TEX264: variants seen among roughly 807,000 people sequenced by gnomAD.
TEX264 encodes the protein testis expressed 264, ER-phagy receptor, also known as testis-expressed protein 264.
TEX264 carries 13 observed loss-of-function variants against 23.4 expected under a neutral mutation model. The ratio of observed to expected loss-of-function variants is 0.56; its 90% CI spans 0.36 to 0.88. TEX264 has a LOEUF of 0.88. TEX264 is among the 40% of genes least tolerant of loss of function. The pLI is 0.01. For missense variants in TEX264, 340 were observed against 406.8 expected (o/e 0.84, Z 1.41); for synonymous variants, 159 against 170.0 (o/e 0.94, Z 0.50).
chr3:51,701,742 C>T (rs989619761), intron 4 of TEX264, among the ~76,000 whole-genome samples: 11 of 149,660 alleles, frequency 7.3e-5, no homozygotes, highest in African/African-American at 2.6e-5. Flanking sequence ...AGCGATTCTC[C>T]TGCCTCAGCT....
chr3:51,681,552 G>C (rs1206943960), intron 2 of TEX264: 1 of 152,382 alleles, frequency 6.6e-6, no homozygotes, highest in African/African-American at 2.4e-5. Context: ...AGGGACTCTG[G>C]AATAGGGTGA....
chr3:51,679,707 G>A (rs1702356706), intron 2 of TEX264, among the ~76,000 whole-genome samples: 2 of 152,210 alleles, frequency 1.3e-5, no homozygotes, highest in Admixed American at 6.5e-5. Flanking sequence ...TGAGTGCCTG[G>A]TCAGATATCA....
intron 3 of TEX264, among the ~76,000 whole-genome samples, chr3:51,698,552 C>G (rs1703159543): frequency 6.6e-6 from 1 of 152,098 alleles, no homozygotes; most frequent in African/African-American, 2.4e-5. Flanking sequence ...TGTCTGTGCC[C>G]CTCCATACTC....
chr3:51,695,371 C>G (rs928535813), intron 3 of TEX264, among the ~76,000 whole-genome samples: 4 of 152,240 alleles, frequency 2.6e-5, no homozygotes, highest in Admixed American at 6.5e-5. Context: ...TCTAAGCAAA[C>G]CTCCAGCCTC....
At position 51,691,140 on chromosome 3, in the gene TEX264, G is replaced by A. The variant is rs1280572219; in HGVS notation, c.480+6506G>A. ...CTGGGGGAGCCGAGGCAAAGCACAGGAAGAGGCTGTGTACCCGCTTGCCCA... is the reference window on the plus strand; with the variant it reads ...CTGGGGGAGCCGAGGCAAAGCACAGAAAGAGGCTGTGTACCCGCTTGCCCA... On this transcript the variant is annotated intron_variant, in intron 3 of 4. Transcript: ENST00000341333. This position sits in a 1 kb window ranked among gnomAD's most constrained non-coding sequence, Gnocchi z 4.4. Among the ~76,000 whole-genome samples the A allele has an allele frequency of 6.6e-6, 1 of 152,240 alleles. No individual in the cohort carries two copies.
At chr3:51,699,036 G>T (rs1382512143) in intron 3 of TEX264, among the ~76,000 whole-genome samples, 1 of 152,146 alleles carries the variant, frequency 6.6e-6, no homozygotes, top group African/African-American at 2.4e-5. Context: ...GGCACATGGG[G>T]TCCCTATCCT....
At chr3:51,689,985 C>A (rs566771469) in intron 3 of TEX264, among the ~76,000 whole-genome samples, 4 of 152,176 alleles carry the variant, frequency 2.6e-5, no homozygotes, top group Non-Finnish European at 5.9e-5. Context: ...CATTATGGGG[C>A]AGCCAGCTTG....
rs1020132189 is a variant in TEX264 at position 51,674,282 on chromosome 3, T to C, written c.-23T>C. Reference sequence around the variant, plus strand: ...TTTCTCCTTTGCAGCTGCCTTGAGGTGCAGTGTTGGGGATCCAGAGCCATG... The same window carrying C: ...TTTCTCCTTTGCAGCTGCCTTGAGGCGCAGTGTTGGGGATCCAGAGCCATG... On this transcript the variant is annotated 5_prime_UTR_variant, in exon 2 of 5. Coordinates refer to ENST00000341333, the MANE Select transcript of TEX264 (RefSeq NM_015926.6). The C allele has an allele frequency of 1.2e-6, 2 of 1,613,378 alleles. No homozygotes were observed. Among genetic ancestry groups the C allele is most frequent in the African/African-American group, 2.7e-5 (2 of 74,890 alleles).
In TEX264 at chr3:51,691,917, C is replaced by T. The variant is rs147516982; in HGVS notation, c.480+7283C>T. Among the ~76,000 whole-genome samples, 802 of 152,338 alleles carry T rather than the reference C, an allele frequency of 5.3e-3. 6 individuals carry two copies. Among genetic ancestry groups the T allele is most frequent in the Middle Eastern group, 0.034 (10 of 294 alleles). Reference sequence around the variant, plus strand: ...CCACCATACCACGGCTTGGCTTCCCCGGCTCCCCTTAGGGAGCTACCCTTG... The same window carrying T: ...CCACCATACCACGGCTTGGCTTCCCTGGCTCCCCTTAGGGAGCTACCCTTG... On this transcript the variant is annotated intron_variant, in intron 3 of 4. Transcript: ENST00000341333. This position sits in a 1 kb window ranked among gnomAD's most constrained non-coding sequence, Gnocchi z 4.4.
rs868525697 is a variant in TEX264, at chr3:51,686,014, G to T, written c.480+1380G>T. ...AGTGATGCTTTCACTGACATGTGGG[G>T]AACTGAGGGAGGCCCTGGTTTTGGG... On this transcript the variant is annotated intron_variant, in intron 3 of 4. Transcript: ENST00000341333. The surrounding 1 kb of genome is among the most constrained non-coding windows in gnomAD (Gnocchi z 4.1). Among the ~76,000 whole-genome samples, 104 of 152,330 alleles carry T rather than the reference G, an allele frequency of 6.8e-4. 1 individual carries two copies. The highest frequency in any genetic ancestry group is 3.4e-3 in the Middle Eastern group (1 of 294).
chr3:51,689,810 C>T (rs750756686), intron 3 of TEX264, among the ~76,000 whole-genome samples: 3 of 152,174 alleles, frequency 2.0e-5, no homozygotes, highest in Non-Finnish European at 2.9e-5. Flanking sequence ...CTGGGAGGCA[C>T]CAGGGCCCAG....
Position 51,704,276 on chromosome 3 carries a change from G to A in TEX264, c.*260G>A, listed in dbSNP as rs368288538. ...GTCTTTTTTTCAGACTCACAGTGGA[G>A]CTTCCAGGACCCAGAATAAAGCCAA... On this transcript the variant is annotated 3_prime_UTR_variant, in exon 5 of 5. Coordinates refer to ENST00000341333, the MANE Select transcript of TEX264 (RefSeq NM_015926.6). The A allele has an allele frequency of 1.4e-5, 5 of 358,528 alleles. No homozygotes were observed. Among genetic ancestry groups the A allele is most frequent in the Non-Finnish European group, 2.5e-5 (5 of 200,286 alleles). The allele number at this position is 358,528 out of a possible 1,614,324, so 22.2% of individuals were successfully genotyped here.
In TEX264 at chr3:51,691,918, G is replaced by C. The variant is rs888321276; in HGVS notation, c.480+7284G>C. Among the ~76,000 whole-genome samples the C allele has an allele frequency of 6.6e-6, 1 of 152,176 alleles. No individual in the cohort carries two copies. Among genetic ancestry groups the C allele is most frequent in the Non-Finnish European group, 1.5e-5 (1 of 68,026 alleles). ...CACCATACCACGGCTTGGCTTCCCC[G>C]GCTCCCCTTAGGGAGCTACCCTTGG... On this transcript the variant is annotated intron_variant, in intron 3 of 4. Coordinates refer to ENST00000341333, the MANE Select transcript of TEX264 (RefSeq NM_015926.6). The surrounding 1 kb of genome is among the most constrained non-coding windows in gnomAD (Gnocchi z 4.4).
At chr3:51,700,989 T>G (rs1281682381) in intron 4 of TEX264, among the ~76,000 whole-genome samples, 1 of 152,230 alleles carries the variant, frequency 6.6e-6, no homozygotes, top group Non-Finnish European at 1.5e-5. Flanking sequence ...GGCCTGTCCC[T>G]GCCCGCCTCC....
intron 2 of TEX264, chr3:51,683,157 T>A (rs965007069): frequency 5.9e-5 from 9 of 152,588 alleles, no homozygotes; most frequent in African/African-American, 1.9e-4. Flanking sequence ...CAAAAAAAAT[T>A]TTTTTGCGGT....
chr3:51,684,929 T>A (rs1030590975), intron 3 of TEX264, among the ~76,000 whole-genome samples: 3 of 152,230 alleles, frequency 2.0e-5, no homozygotes, highest in African/African-American at 7.2e-5. Context: ...ATAGTGCTTA[T>A]CCCACACTCC....
chr3:51,679,315 A>G (rs917230326), intron 2 of TEX264, among the ~76,000 whole-genome samples: 2 of 152,212 alleles, frequency 1.3e-5, no homozygotes, highest in Non-Finnish European at 2.9e-5. Flanking sequence ...GTCACACTTG[A>G]CATCCAGTCC....
intron 2 of TEX264, chr3:51,682,492 A>G (rs145587540): frequency 6.6e-6 from 1 of 152,412 alleles, no homozygotes; most frequent in Non-Finnish European, 1.5e-5. Flanking sequence ...GAGGAGCTGC[A>G]TATTCAGAGG....
Position 51,703,692 on chromosome 3 carries a change from A to G in TEX264, c.650-32A>G. On this transcript the variant is annotated intron_variant, in intron 4 of 4. Coordinates refer to ENST00000341333, the MANE Select transcript of TEX264 (RefSeq NM_015926.6). This position sits in a 1 kb window ranked among gnomAD's most constrained non-coding sequence, Gnocchi z 4.8. ...CTGGAGGAGGGGGTGGGGTGGTCCT[A>G]GCTAACCTGTGCTCCCTTTTCCTGG... 1.3e-6 allele frequency: 2 copies of G among 1,550,926 alleles called. No homozygotes were observed. The highest frequency in any genetic ancestry group is 1.8e-6 in the Non-Finnish European group (2 of 1,141,660).
Sources: allele counts gnomAD v4.1 joint callset (sites outside exome capture counted in the v4.1 genomes callset), GRCh38; gene constraint gnomAD v4.1.1; non-coding constraint Gnocchi (gnomAD v3.1); transcripts MANE v1.5; gene names NCBI Gene and HGNC (gene_info 2026-07-23, HGNC 2026-07-21).